Variants in PHEX observed in about 807,000 individuals in gnomAD.
PHEX encodes the protein phosphate regulating endopeptidase X-linked.
Under a neutral mutation model 68.0 loss-of-function variants are expected in PHEX, and 16 were observed. That is an observed-to-expected ratio of 0.24 (90% CI 0.16 to 0.36). PHEX has a LOEUF of 0.36. Among genes scored for constraint, PHEX ranks in the 10% least tolerant of loss-of-function variants. PHEX has a pLI of 1.00. For synonymous variants in PHEX, 208 were observed against 205.1 expected, an observed-to-expected ratio of 1.01 and a Z score of -0.12; for missense variants, 480 against 575.5, an observed-to-expected ratio of 0.83 and a Z score of 1.70.
intron 2 of PHEX, among the ~76,000 whole-genome samples, chrX:22,043,012 C>T (rs1157486465): frequency 8.9e-6 from 1 of 112,223 alleles, no homozygotes; most frequent in Non-Finnish European, 1.9e-5. Context: ...ATCCTACTTA[C>T]AAGAATATGC....
intron 11 of PHEX, among the ~76,000 whole-genome samples, chrX:22,128,863 C>T (rs1931853450): frequency 9.8e-6 from 1 of 101,978 alleles, no homozygotes; most frequent in Non-Finnish European, 2.0e-5. Context: ...CCCCCCCAAC[C>T]CCCGCCCAGT....
At chrX:22,126,277 A>G (rs1362184917) in intron 11 of PHEX, among the ~76,000 whole-genome samples, 1 of 112,187 alleles carries the variant, frequency 8.9e-6, no homozygotes, top group Non-Finnish European at 1.9e-5. Flanking sequence ...ACAACAATTA[A>G]ACACACACCT....
chrX:22,117,866 C>A (rs1453906220), intron 11 of PHEX, among the ~76,000 whole-genome samples: 1 of 110,798 alleles, frequency 9.0e-6, no homozygotes, highest in Non-Finnish European at 1.9e-5. Flanking sequence ...AGGTTGGAAA[C>A]TTATAAGAGA....
intron 11 of PHEX, among the ~76,000 whole-genome samples, chrX:22,132,250 C>T (rs748104173): frequency 2.9e-4 from 32 of 110,974 alleles, no homozygotes; most frequent in Middle Eastern, 4.6e-3. Context: ...CAGGTGCAGG[C>T]GCCACCATGC....
At chrX:22,217,031 G>T (rs946473065) in intron 16 of PHEX, among the ~76,000 whole-genome samples, 12 of 111,715 alleles carry the variant, frequency 1.1e-4, no homozygotes, top group African/African-American at 3.6e-4. Context: ...TAGGAAGCTT[G>T]TTGGAGCAGC....
chrX:22,234,618 C>CA (rs1569437944), intron 20 of PHEX, among the ~76,000 whole-genome samples: 1 of 109,811 alleles, frequency 9.1e-6, no homozygotes, highest in Non-Finnish European at 1.9e-5. Flanking sequence ...CCCTTCCCCC[C>CA]CCAAGCTCAA....
intron 16 of PHEX, among the ~76,000 whole-genome samples, chrX:22,216,737 C>G (rs1411987770): frequency 9.1e-6 from 1 of 109,780 alleles, no homozygotes; most frequent in African/African-American, 3.3e-5. Context: ...TCAGGCTGGT[C>G]TCGAACTCCC....
chrX:22,048,484 A>G (rs1018771881), intron 3 of PHEX, among the ~76,000 whole-genome samples: 2 of 111,607 alleles, frequency 1.8e-5, no homozygotes, highest in African/African-American at 6.5e-5. Context: ...ACATGTGCAC[A>G]CACACACACA....
chrX:22,095,476 G>A (rs1190583530), intron 7 of PHEX, among the ~76,000 whole-genome samples: 2 of 112,568 alleles, frequency 1.8e-5, no homozygotes, highest in Non-Finnish European at 3.8e-5. Flanking sequence ...CAAATCTATT[G>A]TGTGGAGGGG....
At chrX:22,241,089 G>A (rs1009095317) in intron 20 of PHEX, among the ~76,000 whole-genome samples, 2 of 112,033 alleles carry the variant, frequency 1.8e-5, no homozygotes, top group Admixed American at 9.5e-5. Context: ...TCAGACCACA[G>A]TGCAAACAAA....
In PHEX at chrX:22,069,156, A is replaced by C. The variant is rs1313428444; in HGVS notation, c.350-7232A>C. Reference sequence around the variant, plus strand: ...CAAATAGGAGGGAGAAAAAATATAAATAATTAGAGTTAGTAGTAAAAATGC... The same window carrying C: ...CAAATAGGAGGGAGAAAAAATATAACTAATTAGAGTTAGTAGTAAAAATGC... On this transcript the variant is annotated intron_variant, in intron 3 of 21. Coordinates refer to ENST00000379374, the MANE Select transcript of PHEX (RefSeq NM_000444.6). 1.8e-5 allele frequency among the ~76,000 whole-genome samples: 2 copies of C among 111,693 alleles called. 1 individual carries two copies. The highest frequency in any genetic ancestry group is 7.5e-4 in the South Asian group (2 of 2,665).
intron 12 of PHEX, among the ~76,000 whole-genome samples, chrX:22,165,730 A>G (rs1933291932): frequency 8.9e-6 from 1 of 112,125 alleles, no homozygotes; most frequent in Non-Finnish European, 1.9e-5. Flanking sequence ...TGTACTTGTA[A>G]GCTTCTCTTT....
At chrX:22,182,431 T>C (rs951155345) in intron 14 of PHEX, among the ~76,000 whole-genome samples, 1 of 111,489 alleles carries the variant, frequency 9.0e-6, no homozygotes, top group South Asian at 3.8e-4. Flanking sequence ...CAGAGGTTTT[T>C]CTCTCTGTGC....
chrX:22,102,184 T>C (rs1038666797), intron 9 of PHEX, among the ~76,000 whole-genome samples: 1 of 111,944 alleles, frequency 8.9e-6, no homozygotes, highest in Non-Finnish European at 1.9e-5. Flanking sequence ...TCTATTTTTT[T>C]GTACCCATTA....
At chrX:22,092,874 C>T (rs1049573833) in intron 6 of PHEX, among the ~76,000 whole-genome samples, 2 of 107,318 alleles carry the variant, frequency 1.9e-5, no homozygotes, top group Non-Finnish European at 3.8e-5. Flanking sequence ...CTCAGCCTCC[C>T]GAATAGCTGA....
intron 20 of PHEX, among the ~76,000 whole-genome samples, chrX:22,231,062 T>C (rs190071034): frequency 8.6e-4 from 96 of 111,116 alleles, no homozygotes; most frequent in Non-Finnish European, 1.6e-3. Context: ...TTGGTTCTGT[T>C]TATGTTTATT....
At chrX:22,213,398 T>C (rs1200810598) in intron 16 of PHEX, among the ~76,000 whole-genome samples, 1 of 111,536 alleles carries the variant, frequency 9.0e-6, no homozygotes. Flanking sequence ...AAGATTGAGG[T>C]TTGATATTGG....
intron 9 of PHEX, among the ~76,000 whole-genome samples, chrX:22,108,772 T>G (rs943363476): frequency 9.1e-6 from 1 of 110,381 alleles, no homozygotes; most frequent in African/African-American, 3.3e-5. Context: ...TGAAACCCCA[T>G]CAGTACTAAA....
intron 10 of PHEX, among the ~76,000 whole-genome samples, chrX:22,112,961 T>C (rs1352820199): frequency 9.1e-6 from 1 of 110,080 alleles, no homozygotes; most frequent in African/African-American, 3.3e-5. Context: ...ACTATATATA[T>C]ATTTAGGTCA....
Sources: gnomAD v4.1 joint callset for allele counts (sites outside exome capture counted in the v4.1 genomes callset) on GRCh38, gnomAD v4.1.1 for gene constraint, MANE v1.5 for transcripts, NCBI Gene and HGNC (gene_info 2026-07-23, HGNC 2026-07-21) for gene names.